CAPZB: variants seen among roughly 807,000 people sequenced by gnomAD.
CAPZB encodes the protein F-actin-capping protein subunit beta.
In CAPZB, 2 loss-of-function variants were observed where a neutral mutation model predicts 38.1. That is an observed-to-expected ratio of 0.05 (90% CI 0.02 to 0.17). The LOEUF is 0.17. Ranked by LOEUF, CAPZB falls within the 10% of genes least tolerant of loss-of-function variation. The pLI, the probability that CAPZB is intolerant of heterozygous loss-of-function variation, is 1.00. For synonymous variants in CAPZB, 107 were observed against 127.4 expected (o/e 0.84, Z 1.08); for missense variants, 161 against 334.2 (o/e 0.48, Z 4.04).
intron 1 of CAPZB, among the ~76,000 whole-genome samples, chr1:19,428,110 A>G (rs151268790): frequency 6.6e-6 from 1 of 152,328 alleles, no homozygotes; most frequent in Non-Finnish European, 1.5e-5. Flanking sequence ...AATAAAATGT[A>G]ACCATTTTAG....
chr1:19,484,565 G>C, intron 1 of CAPZB: 1 of 1,260,248 alleles, frequency 7.9e-7, no homozygotes, highest in Non-Finnish European at 1.0e-6. Flanking sequence ...CCCTAGAAGC[G>C]GCAACTGAGA....
rs1007019373 is a variant in CAPZB, at chr1:19,450,572, G to C, written c.4-30822C>G. 3.3e-5 allele frequency among the ~76,000 whole-genome samples: 5 copies of C among 152,286 alleles called. No individual in the cohort carries two copies. In the East Asian group the frequency reaches 5.8e-4, roughly 18 times the overall value. On this transcript the variant is annotated intron_variant, in intron 1 of 8. Coordinates refer to ENST00000264202, the MANE Select transcript of CAPZB (RefSeq NM_004930.5). ...GTTATTAATCCTACTTCATAGATGA[G>C]GGGACTGAGGTAGGGAGAGGTTAAG...
chr1:19,462,327 G>A (rs1352809352), intron 1 of CAPZB, among the ~76,000 whole-genome samples: 4 of 151,862 alleles, frequency 2.6e-5, no homozygotes, highest in South Asian at 2.1e-4. Context: ...GCGTGGTGGC[G>A]GGCGCCTGTA....
chr1:19,479,918 C>T (rs1218619972), intron 1 of CAPZB, among the ~76,000 whole-genome samples: 1 of 152,124 alleles, frequency 6.6e-6, no homozygotes, highest in Non-Finnish European at 1.5e-5. Flanking sequence ...GTGACCACAC[C>T]CCCTGACCTC....
chr1:19,464,448 T>C (rs1463812464), intron 1 of CAPZB, among the ~76,000 whole-genome samples: 1 of 151,776 alleles, frequency 6.6e-6, no homozygotes, highest in Non-Finnish European at 1.5e-5. Flanking sequence ...CCCGCCACCA[T>C]GCCCGGCTAA....
chr1:19,341,260 G>A (rs1249015414), intron 8 of CAPZB, among the ~76,000 whole-genome samples: 1 of 152,202 alleles, frequency 6.6e-6, no homozygotes, highest in African/African-American at 2.4e-5. Context: ...ACGGCCCCCA[G>A]GCTCCAAATC....
intron 1 of CAPZB, among the ~76,000 whole-genome samples, chr1:19,467,553 A>G (rs1543945): frequency 1 from 152,274 of 152,324 alleles, 76,112 homozygotes; most frequent in Middle Eastern, 1. Context: ...GCCCAATCAC[A>G]GGGAGCAAAT....
intron 2 of CAPZB, among the ~76,000 whole-genome samples, chr1:19,410,113 G>C (rs2094350916): frequency 6.6e-6 from 1 of 152,172 alleles, no homozygotes; most frequent in Admixed American, 6.5e-5. Flanking sequence ...TGAGAATTCT[G>C]ACTGATTTGC....
At chr1:19,403,385 G>T (rs767052158) in intron 2 of CAPZB, among the ~76,000 whole-genome samples, 29 of 152,222 alleles carry the variant, frequency 1.9e-4, no homozygotes, top group Non-Finnish European at 3.1e-4. Context: ...CTCCAGCGGA[G>T]ATGGGAAGAT....
rs946248143 is a variant in CAPZB at position 19,356,210 on chromosome 1, T to C, written c.588+425A>G. Reference sequence around the variant, plus strand: ...TCTTTGGTGATGCTGATGCTGGTCCTTGGACTACTCTGAGGGCAGCAAGGT... The same window carrying C: ...TCTTTGGTGATGCTGATGCTGGTCCCTGGACTACTCTGAGGGCAGCAAGGT... On this transcript the variant is annotated intron_variant, in intron 6 of 8. Coordinates refer to ENST00000264202, the MANE Select transcript of CAPZB (RefSeq NM_004930.5). This position sits in a 1 kb window ranked among gnomAD's most constrained non-coding sequence, Gnocchi z 4.3. Among the ~76,000 whole-genome samples, 1 of 152,190 alleles carries C rather than the reference T, an allele frequency of 6.6e-6. No homozygotes were observed. The highest frequency in any genetic ancestry group is 6.5e-5 in the Admixed American group (1 of 15,282).
chr1:19,474,738 G>A lies in CAPZB; in HGVS notation c.3+10698C>T, dbSNP rs3813985. On this transcript the variant is annotated intron_variant, in intron 1 of 8. Transcript: ENST00000264202. ...AGAAAATAAACACAGTACCTGTTGA[G>A]GGGGTCGTGCGGGTGACGAGGAGCA... Among the ~76,000 whole-genome samples, 86 of 152,266 alleles carry A rather than the reference G, an allele frequency of 5.6e-4. 3 individuals are homozygous for A. The East Asian group carries it at 0.014, about 25-fold the overall frequency.
At chr1:19,468,758 C>T (rs1434548881) in intron 1 of CAPZB, among the ~76,000 whole-genome samples, 1 of 152,172 alleles carries the variant, frequency 6.6e-6, no homozygotes, top group East Asian at 1.9e-4. Flanking sequence ...CCCCAGCACC[C>T]GCCATGCCCT....
intron 4 of CAPZB, among the ~76,000 whole-genome samples, chr1:19,359,293 C>T (rs1214520489): frequency 3.5e-5 from 5 of 143,292 alleles, no homozygotes; most frequent in Admixed American, 1.5e-4. Context: ...AATCAGTACA[C>T]GAATACACCG....
chr1:19,445,823 C>T (rs1378626497), intron 1 of CAPZB, among the ~76,000 whole-genome samples: 3 of 152,150 alleles, frequency 2.0e-5, no homozygotes, highest in Non-Finnish European at 4.4e-5. Context: ...TACAAAACCG[C>T]ACTGTACACT....
intron 2 of CAPZB, among the ~76,000 whole-genome samples, chr1:19,397,212 ACC>A (rs1322453341): frequency 2.6e-5 from 4 of 152,214 alleles, no homozygotes; most frequent in Non-Finnish European, 5.9e-5. Flanking sequence ...ATTCCCAAGA[ACC>A]TATGGACAAC....
intron 2 of CAPZB, among the ~76,000 whole-genome samples, chr1:19,394,268 G>A (rs1013354700): frequency 1.3e-5 from 2 of 152,210 alleles, no homozygotes; most frequent in Admixed American, 1.3e-4. Flanking sequence ...TTACAGGCAT[G>A]AGCCACCGCG....
intron 1 of CAPZB, among the ~76,000 whole-genome samples, chr1:19,477,032 TC>T (rs2094609391): frequency 6.6e-6 from 1 of 152,234 alleles, no homozygotes; most frequent in Non-Finnish European, 1.5e-5. Context: ...AGCTCCGGTT[TC>T]CTTATCTGCA....
intron 1 of CAPZB, among the ~76,000 whole-genome samples, chr1:19,445,504 G>C (rs2094493049): frequency 6.6e-6 from 1 of 152,102 alleles, no homozygotes; most frequent in African/African-American, 2.4e-5. Flanking sequence ...TACAGAAAGT[G>C]AAACATCCCC....
At chr1:19,385,480 C>T (rs747514556) in intron 3 of CAPZB, 25 bp downstream of exon 3, 7 of 1,611,452 alleles carry the variant, frequency 4.3e-6, no homozygotes, top group Non-Finnish European at 5.1e-6. Context: ...GCTGTGCCTG[C>T]TGCATCCCCG....
Sources: allele counts gnomAD v4.1 joint callset (sites outside exome capture counted in the v4.1 genomes callset), GRCh38; gene constraint gnomAD v4.1.1; non-coding constraint Gnocchi (gnomAD v3.1); transcripts MANE v1.5; gene names NCBI Gene and HGNC (gene_info 2026-07-23, HGNC 2026-07-21).